LINGO2: variants seen among roughly 807,000 people sequenced by gnomAD.
LINGO2 encodes leucine rich repeat and Ig domain containing 2.
Under a neutral mutation model 30.6 loss-of-function variants are expected in LINGO2, and 14 were observed. The observed-to-expected ratio is 0.46, with a 90% confidence interval of 0.30 to 0.72. The LOEUF is 0.72. Among genes scored for constraint, LINGO2 ranks in the 30% least tolerant of loss-of-function variants. The pLI, the probability that LINGO2 is intolerant of heterozygous loss-of-function variation, is 0.07. For synonymous variants in LINGO2, 317 were observed against 288.5 expected, an observed-to-expected ratio of 1.10 and a Z score of -1.00; for missense variants, 729 against 751.7, an observed-to-expected ratio of 0.97 and a Z score of 0.35.
rs200666723 is a variant in LINGO2, at chr9:28,100,203, A to G, written c.-86-87798T>C. 1.1e-4 allele frequency among the ~76,000 whole-genome samples: 16 copies of G among 152,308 alleles called. No homozygotes were observed. The East Asian group carries it at 3.1e-3, about 29-fold the overall frequency. ...AGTTCAAAATTATTTGACACATAAAATCATGAATAAAATCAATAGAGTCCC... is the reference window on the plus strand; with the variant it reads ...AGTTCAAAATTATTTGACACATAAAGTCATGAATAAAATCAATAGAGTCCC... On this transcript the variant is annotated intron_variant, in intron 4 of 5. Transcript: ENST00000379992.
chr9:28,425,030 A>C (rs897982480), intron 2 of LINGO2, among the ~76,000 whole-genome samples: 1 of 151,986 alleles, frequency 6.6e-6, no homozygotes, highest in Non-Finnish European at 1.5e-5. Flanking sequence ...TCTCATGTAC[A>C]GTAGGTCTTA....
At chr9:28,803,979 A>G in the LINGO2 span, among the ~76,000 whole-genome samples, 1 of 152,102 alleles carries the variant, frequency 6.6e-6, no homozygotes, top group Non-Finnish European at 1.5e-5. Flanking sequence ...TCTCATCCCA[A>G]TATAAAACAT....
chr9:28,708,243 AT>A, the LINGO2 span, among the ~76,000 whole-genome samples: 3 of 152,158 alleles, frequency 2.0e-5, no homozygotes, highest in Admixed American at 2.0e-4. Context: ...ATATTCTTTA[AT>A]GCCCTGAAAA....
intron 4 of LINGO2, among the ~76,000 whole-genome samples, chr9:28,235,256 G>T (rs989918965): frequency 6.6e-6 from 1 of 152,092 alleles, no homozygotes; most frequent in Non-Finnish European, 1.5e-5. Flanking sequence ...AATTCTTCAG[G>T]ATCTTATCCA....
chr9:29,173,361 T>C, the LINGO2 span, among the ~76,000 whole-genome samples: 1 of 152,084 alleles, frequency 6.6e-6, no homozygotes, highest in East Asian at 1.9e-4. Context: ...CATGCTTCCT[T>C]TTATACACAT....
the LINGO2 span, among the ~76,000 whole-genome samples, chr9:28,738,166 G>C: frequency 1.3e-5 from 2 of 152,028 alleles, no homozygotes; most frequent in Non-Finnish European, 2.9e-5. Context: ...AATTCCAGTA[G>C]TACTGCCTGA....
At chr9:29,131,563 C>T in the LINGO2 span, among the ~76,000 whole-genome samples, 1 of 151,834 alleles carries the variant, frequency 6.6e-6, no homozygotes, top group African/African-American at 2.4e-5. Flanking sequence ...ATCAGATAAA[C>T]GTTTCTGGAA....
the LINGO2 span, among the ~76,000 whole-genome samples, chr9:28,854,021 A>C: frequency 2.0e-5 from 3 of 152,048 alleles, no homozygotes; most frequent in Admixed American, 1.3e-4. Flanking sequence ...GCTGTCAATT[A>C]AAATTCTCCC....
chr9:28,102,036 C>A (rs1388948308), intron 4 of LINGO2, among the ~76,000 whole-genome samples: 1 of 152,110 alleles, frequency 6.6e-6, no homozygotes, highest in Non-Finnish European at 1.5e-5. Flanking sequence ...CTCCAACTCA[C>A]CTTGATCCCT....
At chr9:29,154,306 C>A in the LINGO2 span, among the ~76,000 whole-genome samples, 1 of 151,772 alleles carries the variant, frequency 6.6e-6, no homozygotes, top group East Asian at 1.9e-4. Flanking sequence ...AAAAATTAGC[C>A]GGGCGTGGTG....
the LINGO2 span, among the ~76,000 whole-genome samples, chr9:28,741,827 G>A: frequency 6.6e-6 from 1 of 151,652 alleles, no homozygotes; most frequent in African/African-American, 2.4e-5. Flanking sequence ...AGGGCTGCAG[G>A]AGCTGACCCG....
At chr9:29,002,297 T>C in the LINGO2 span, among the ~76,000 whole-genome samples, 1 of 152,150 alleles carries the variant, frequency 6.6e-6, no homozygotes, top group East Asian at 1.9e-4. Context: ...GATTATTTAA[T>C]CATGTTTTGA....
intron 3 of LINGO2, among the ~76,000 whole-genome samples, chr9:28,347,382 ACCC>A (rs2134419793): frequency 6.6e-6 from 1 of 152,182 alleles, no homozygotes; most frequent in African/African-American, 2.4e-5. Context: ...ATGTAGCTCA[ACCC>A]TCCTAATATA....
chr9:28,946,836 A>AATAAC, the LINGO2 span, among the ~76,000 whole-genome samples: 1 of 152,144 alleles, frequency 6.6e-6, no homozygotes, highest in Admixed American at 6.6e-5. Flanking sequence ...ACAGCCTTCC[A>AATAAC]AGGCATCACT....
At chr9:28,771,452 GGT>G in the LINGO2 span, among the ~76,000 whole-genome samples, 7,129 of 119,992 alleles carry the variant, frequency 0.059, 253 homozygotes, top group South Asian at 0.072. Flanking sequence ...TTTCCTATTT[GGT>G]GTGTGTGTGT....
chr9:28,411,898 T>C (rs1184717038), intron 2 of LINGO2, among the ~76,000 whole-genome samples: 2 of 152,122 alleles, frequency 1.3e-5, no homozygotes, highest in East Asian at 3.9e-4. Flanking sequence ...GTACAAAGTT[T>C]CAAATTTCTT....
chr9:28,149,968 A>G (rs1315995947), intron 4 of LINGO2, among the ~76,000 whole-genome samples: 57 of 115,172 alleles, frequency 4.9e-4, no homozygotes, highest in African/African-American at 7.6e-4. Flanking sequence ...CGTCTGGGAA[A>G]TGAGGAGCGC....
chr9:28,981,881 G>A, the LINGO2 span, among the ~76,000 whole-genome samples: 2 of 151,814 alleles, frequency 1.3e-5, no homozygotes, highest in Admixed American at 1.3e-4. Context: ...AATGCAGCCT[G>A]GTATACTGAA....
chr9:27,979,351 G>A (rs773711642), intron 5 of LINGO2, among the ~76,000 whole-genome samples: 15 of 151,874 alleles, frequency 9.9e-5, no homozygotes, highest in Admixed American at 9.9e-4. Flanking sequence ...AGCTTAACAT[G>A]TATGGGAAGA....
Sources: gnomAD v4.1 joint callset for allele counts (sites outside exome capture counted in the v4.1 genomes callset) on GRCh38, gnomAD v4.1.1 for gene constraint, MANE v1.5 for transcripts, NCBI Gene and HGNC (gene_info 2026-07-23, HGNC 2026-07-21) for gene names.